The following CLEC4A variants were observed in gnomAD, a reference collection of about 807,000 sequenced individuals.
CLEC4A encodes C-type (calcium dependent, carbohydrate-recognition domain) lectin, superfamily member 6.
In CLEC4A, 27 loss-of-function variants were observed where a neutral mutation model predicts 32.7. That is an observed-to-expected ratio of 0.83 (90% CI 0.61 to 1.14). The LOEUF is 1.14. CLEC4A is among the 50% of genes most tolerant of loss of function. CLEC4A has a pLI of 0.00. For missense variants in CLEC4A, 253 were observed against 274.6 expected (o/e 0.92, Z 0.55); for synonymous variants, 89 against 93.7 (o/e 0.95, Z 0.29).
chr12:8,113,092 A>T, the CLEC4A span, among the ~76,000 whole-genome samples: 2 of 149,526 alleles, frequency 1.3e-5, no homozygotes, highest in Non-Finnish European at 3.0e-5. Flanking sequence ...CATTAGGTAT[A>T]TCTCCTAATG....
At chr12:8,122,554 G>T (rs1191531747), upstream of CLEC4A, among the ~76,000 whole-genome samples, 2 of 152,016 alleles carry the variant, frequency 1.3e-5, no homozygotes, top group Non-Finnish European at 2.9e-5. Context: ...GGCTTGGACT[G>T]GGGAGTCAGA....
chr12:8,134,785 C>T (rs1174812398), intron 3 of CLEC4A: 47 of 1,552,662 alleles, frequency 3.0e-5, no homozygotes, highest in Non-Finnish European at 4.1e-5. Context: ...TCCGGCCCCC[C>T]TGGCCCATCA....
rs202067634 is a variant in CLEC4A, at chr12:8,138,220, G to A, written c.647G>A (p.Gly216Asp). The A allele has an allele frequency of 1.4e-5, 23 of 1,614,170 alleles. No individual in the cohort carries two copies. In the African/African-American group the frequency reaches 1.9e-4, roughly 13 times the overall value. The change falls in exon 6 of 6, where the codon GGC (glycine) becomes GAC (aspartate). Residue 216 changes from glycine (G) to aspartate (D), a missense_variant. By Grantham distance (94) the Gly-to-Asp change is moderately conservative (BLOSUM62 -1). Coordinates refer to ENST00000229332, the MANE Select transcript of CLEC4A (RefSeq NM_016184.4). Reference sequence around the variant, plus strand: ...TTTCGTAAATCACCCAAAAGATGGGGCTGGAATGATGTTAATTGTCTTGGT... The same window carrying A: ...TTTCGTAAATCACCCAAAAGATGGGACTGGAATGATGTTAATTGTCTTGGT... Reference protein sequence around the residue: ...LNFRKSPKRWGWNDVNCLGPQ... With the variant: ...LNFRKSPKRWDWNDVNCLGPQ...
chr12:8,132,038 C>T (rs1360261893), intron 3 of CLEC4A, among the ~76,000 whole-genome samples: 1 of 152,104 alleles, frequency 6.6e-6, no homozygotes, highest in Non-Finnish European at 1.5e-5. Context: ...TGTTGTTCCC[C>T]ACTGTGTGTC....
chr12:8,118,643 C>T (rs892289550), upstream of CLEC4A, among the ~76,000 whole-genome samples: 5 of 152,112 alleles, frequency 3.3e-5, no homozygotes, highest in African/African-American at 4.8e-5. Flanking sequence ...CTCACTATGG[C>T]GAGGACACTA....
At chr12:8,111,805 T>C in the CLEC4A span, among the ~76,000 whole-genome samples, 2 of 152,000 alleles carry the variant, frequency 1.3e-5, no homozygotes, top group Non-Finnish European at 2.9e-5. Context: ...ATTTAAAGGA[T>C]AGATTCCCCA....
At chr12:8,135,771 G>A in intron 4 of CLEC4A, 35 bp downstream of exon 4, 1 of 1,604,760 alleles carries the variant, frequency 6.2e-7, no homozygotes, top group Non-Finnish European at 8.5e-7. Context: ...TGTGAGCCCT[G>A]CCTGATCTTT....
intron 2 of CLEC4A, among the ~76,000 whole-genome samples, chr12:8,127,624 T>C (rs964473738): frequency 6.6e-6 from 1 of 152,124 alleles, no homozygotes; most frequent in Non-Finnish European, 1.5e-5. Context: ...TGAGGACAAA[T>C]TTGGAGGGAA....
At chr12:8,135,025 A>T (rs2120630281) in intron 3 of CLEC4A, among the ~76,000 whole-genome samples, 1 of 18,522 alleles carries the variant, frequency 5.4e-5, no homozygotes, top group African/African-American at 1.4e-4. Context: ...TCTTTGTCAG[A>T]TAATTCTAAC....
chr12:8,124,693 A>G (rs1459026470), intron 1 of CLEC4A, among the ~76,000 whole-genome samples: 2 of 152,066 alleles, frequency 1.3e-5, no homozygotes, highest in Non-Finnish European at 2.9e-5. Flanking sequence ...TTTCTAAAAT[A>G]CCTCTGTGAA....
At chr12:8,134,657 C>A (rs779456672) in intron 3 of CLEC4A, 2 of 1,594,012 alleles carry the variant, frequency 1.3e-6, no homozygotes, top group South Asian at 1.1e-5. Context: ...ACTCATACGG[C>A]GGGGGACATG....
chr12:8,130,735 C>T (rs1947982307), intron 3 of CLEC4A, among the ~76,000 whole-genome samples: 1 of 152,100 alleles, frequency 6.6e-6, no homozygotes, highest in Non-Finnish European at 1.5e-5. Context: ...GCAGATAATG[C>T]AAAGAGATCT....
rs1948057644 is a variant in CLEC4A at position 8,134,514 on chromosome 12, TC to T, written c.299-1069del. The T allele has an allele frequency of 3.1e-6, 5 of 1,613,852 alleles. No homozygotes were observed. The East Asian group carries it at 1.1e-4, about 36-fold the overall frequency. ...GGCACCAGAGGGGACGGTGCAGGGCTCCGGGGAGGCCCCATCGGAGTTGCTC... is the reference window on the plus strand; with the variant it reads ...GGCACCAGAGGGGACGGTGCAGGGCTCGGGGAGGCCCCATCGGAGTTGCTC... On this transcript the variant is annotated intron_variant, in intron 3 of 5. Transcript: ENST00000229332.
upstream of CLEC4A, chr12:8,120,766 G>A (rs187208649): frequency 6.6e-6 from 1 of 152,218 alleles, no homozygotes; most frequent in East Asian, 1.9e-4. Flanking sequence ...GAGATCTCTT[G>A]GATAAATAAT....
At chr12:8,125,413 C>T in intron 1 of CLEC4A, 148 bp from the exon 2 acceptor site, 3 of 553,500 alleles carry the variant, frequency 5.4e-6, no homozygotes, top group Non-Finnish European at 9.7e-6. Flanking sequence ...TTATTATATC[C>T]TTTCTATTCC....
At chr12:8,132,172 G>A (rs56263137) in intron 3 of CLEC4A, among the ~76,000 whole-genome samples, 3,544 of 152,188 alleles carry the variant, frequency 0.023, 165 homozygotes, top group African/African-American at 0.081. Context: ...ATATCACCAC[G>A]TGTTTTTTCT....
the CLEC4A span, among the ~76,000 whole-genome samples, chr12:8,116,599 A>G: frequency 1.3e-5 from 2 of 152,168 alleles, no homozygotes. Context: ...TCAGTTTTGA[A>G]TCCTTTGCTA....
At position 8,138,434 on chromosome 12, in the gene CLEC4A, CATTG is replaced by C; in HGVS notation, c.*149_*152del. On this transcript the variant is annotated 3_prime_UTR_variant, in exon 6 of 6. Coordinates refer to ENST00000229332, the MANE Select transcript of CLEC4A (RefSeq NM_016184.4). ...CTACTTATGAGAGAATTGGTCTGTACATTGACTGATTCACTTTTTCATAAAGTGA... is the reference window on the plus strand; with the variant it reads ...CTACTTATGAGAGAATTGGTCTGTACACTGATTCACTTTTTCATAAAGTGA... The C allele has an allele frequency of 3.2e-6, 3 of 939,542 alleles. No individual in the cohort carries two copies. The highest frequency in any genetic ancestry group is 3.2e-6 in the Non-Finnish European group (2 of 632,396). 58.2% of individuals were successfully genotyped at this position (939,542 alleles called of 1,614,324 possible).
chr12:8,119,824 A>G (rs1214043322), upstream of CLEC4A, among the ~76,000 whole-genome samples: 1 of 152,188 alleles, frequency 6.6e-6, no homozygotes, highest in African/African-American at 2.4e-5. Context: ...TTCAGATACC[A>G]GCCACAAGTT....
Sources: allele counts gnomAD v4.1 joint callset (sites outside exome capture counted in the v4.1 genomes callset), GRCh38; gene constraint gnomAD v4.1.1; transcripts MANE v1.5; gene names NCBI Gene and HGNC (gene_info 2026-07-23, HGNC 2026-07-21).